COL25A1: variants seen among roughly 807,000 people sequenced by gnomAD.
COL25A1 encodes collagen alpha-1(XXV) chain.
A neutral mutation model predicts 128.4 loss-of-function variants in COL25A1; 103 were observed. That is an observed-to-expected ratio of 0.80 (90% CI 0.68 to 0.94). The LOEUF is 0.94. Among genes scored for constraint, COL25A1 ranks in the 40% least tolerant of loss-of-function variants. The pLI, the probability that COL25A1 is intolerant of heterozygous loss-of-function variation, is 0.00. For synonymous variants in COL25A1, 279 were observed against 277.2 expected, an observed-to-expected ratio of 1.01 and a Z score of -0.06; for missense variants, 745 against 840.0, an observed-to-expected ratio of 0.89 and a Z score of 1.40.
chr4:109,112,848 T>C (rs7679372), intron 3 of COL25A1, among the ~76,000 whole-genome samples: 81,841 of 151,906 alleles, frequency 0.54, 23,812 homozygotes, highest in Non-Finnish European at 0.68. Flanking sequence ...GAGGTAAAAC[T>C]TTGCCAAGAA....
chr4:109,104,209 T>TA (rs1254418602), intron 3 of COL25A1, among the ~76,000 whole-genome samples: 2 of 151,622 alleles, frequency 1.3e-5, no homozygotes, highest in Non-Finnish European at 2.9e-5. Context: ...CCTGTCTCAT[T>TA]AAAAAAATGA....
chr4:109,190,043 T>C (rs1486335292), intron 3 of COL25A1, among the ~76,000 whole-genome samples: 1 of 152,122 alleles, frequency 6.6e-6, no homozygotes, highest in Non-Finnish European at 1.5e-5. Flanking sequence ...GAGTAAAATA[T>C]ATGTTTAAGA....
chr4:109,032,548 C>T (rs1294986467), intron 5 of COL25A1, among the ~76,000 whole-genome samples: 1 of 152,158 alleles, frequency 6.6e-6, no homozygotes, highest in Non-Finnish European at 1.5e-5. Flanking sequence ...GTCCTCACTT[C>T]GCACTGCAAT....
chr4:109,169,530 T>C (rs1000156750), intron 3 of COL25A1, among the ~76,000 whole-genome samples: 4 of 152,206 alleles, frequency 2.6e-5, no homozygotes, highest in African/African-American at 9.6e-5. Context: ...ATGCTTTATA[T>C]AAGTGCTCAA....
intron 3 of COL25A1, among the ~76,000 whole-genome samples, chr4:109,221,547 A>G (rs1285560780): frequency 6.6e-6 from 1 of 152,232 alleles, no homozygotes; most frequent in Non-Finnish European, 1.5e-5. Context: ...TACATAAAAC[A>G]TGTATGCATA....
At chr4:108,819,393 G>A (rs1578442109) in intron 35 of COL25A1, 64 bp from the exon 36 acceptor site, 13 of 1,334,806 alleles carry the variant, frequency 9.7e-6, no homozygotes, top group East Asian at 2.3e-5. Flanking sequence ...CAAATTCTGC[G>A]AAAGAAGTAA....
chr4:108,851,992 CT>C (rs1735837740), intron 26 of COL25A1, among the ~76,000 whole-genome samples: 1 of 151,890 alleles, frequency 6.6e-6, no homozygotes, highest in East Asian at 1.9e-4. Context: ...TGTTTAATAT[CT>C]TTTTTCAATG....
chr4:109,214,816 T>C (rs1777859243), intron 3 of COL25A1, among the ~76,000 whole-genome samples: 1 of 152,112 alleles, frequency 6.6e-6, no homozygotes, highest in African/African-American at 2.4e-5. Flanking sequence ...GAGGAAGTGC[T>C]CTGTGAAAGC....
At chr4:108,943,666 G>A (rs1748398147) in intron 8 of COL25A1, among the ~76,000 whole-genome samples, 1 of 152,150 alleles carries the variant, frequency 6.6e-6, no homozygotes, top group Non-Finnish European at 1.5e-5. Flanking sequence ...TATCCAAGGA[G>A]AACAGGGAGA....
rs1004630112 is a variant in COL25A1, at chr4:108,833,005, C to G, written c.1657-572G>C. On this transcript the variant is annotated intron_variant, in intron 31 of 37. Coordinates refer to ENST00000399132, the MANE Select transcript of COL25A1 (RefSeq NM_198721.4). ...TAAATAAATAAATAAATAAATAAAG[C>G]ATCTTCACTTTGCCCCATAATCTTA... Among the ~76,000 whole-genome samples, 3 of 4,890 alleles carry G rather than the reference C, an allele frequency of 6.1e-4. No individual in the cohort carries two copies. In the South Asian group the frequency reaches 0.019, roughly 32 times the overall value. 3.2% of individuals were successfully genotyped at this position (4,890 alleles called of 152,430 possible).
intron 21 of COL25A1, 136 bp downstream of exon 21, chr4:108,863,183 C>G: frequency 2.5e-6 from 2 of 801,102 alleles, no homozygotes; most frequent in Non-Finnish European, 4.2e-6. Context: ...TGAAAAGAAC[C>G]AGTTGGTGTG....
intron 8 of COL25A1, among the ~76,000 whole-genome samples, chr4:108,951,561 T>A (rs1196124815): frequency 6.6e-6 from 1 of 151,956 alleles, no homozygotes; most frequent in East Asian, 1.9e-4. Context: ...AATTTTTGTA[T>A]TTTTAGTAGA....
Position 108,859,698 on chromosome 4 carries a change from A to T in COL25A1, c.1278T>A (p.Thr426=). The change falls in exon 24 of 38, where the codon ACT becomes ACA. Residue 426 remains threonine (T), a synonymous_variant. Transcript: ENST00000399132. The part of the protein sequence containing the change: ...PPGQKGDQGA[T]EIIDYNGNLH... ...GGTTGCCGTTGTAGTCTATGATCTC[A>T]GTGGCTCCTTGATCCCCTTTTTGAC... 1 of 1,613,886 alleles carries T rather than the reference A, an allele frequency of 6.2e-7. No homozygotes were observed. The highest frequency in any genetic ancestry group is 8.5e-7 in the Non-Finnish European group (1 of 1,179,906).
chr4:109,142,139 T>G (rs1301070969), intron 3 of COL25A1, among the ~76,000 whole-genome samples: 1 of 152,208 alleles, frequency 6.6e-6, no homozygotes, highest in African/African-American at 2.4e-5. Flanking sequence ...TTTGTTCTCA[T>G]TGGTTTCAAA....
intron 5 of COL25A1, among the ~76,000 whole-genome samples, chr4:109,044,476 T>C (rs550544275): frequency 1.3e-5 from 2 of 152,290 alleles, no homozygotes; most frequent in Admixed American, 1.3e-4. Context: ...TTAGTTTGTT[T>C]GTTTTACTGA....
intron 6 of COL25A1, among the ~76,000 whole-genome samples, chr4:108,981,112 A>G (rs1325815778): frequency 6.6e-6 from 1 of 152,212 alleles, no homozygotes; most frequent in Non-Finnish European, 1.5e-5. Context: ...AAACTGCAGA[A>G]AACCACATTG....
intron 10 of COL25A1, among the ~76,000 whole-genome samples, chr4:108,938,258 A>G (rs1747672187): frequency 6.6e-6 from 1 of 152,210 alleles, no homozygotes. Flanking sequence ...AAATTACACT[A>G]TATCATGACA....
intron 8 of COL25A1, among the ~76,000 whole-genome samples, chr4:108,967,928 C>T (rs542459336): frequency 6.6e-6 from 1 of 152,228 alleles, no homozygotes; most frequent in African/African-American, 2.4e-5. Flanking sequence ...TAAAGAGAAT[C>T]AATTATCTCT....
At chr4:109,071,188 A>C (rs1225918622) in intron 3 of COL25A1, among the ~76,000 whole-genome samples, 7 of 152,148 alleles carry the variant, frequency 4.6e-5, no homozygotes, top group East Asian at 3.9e-4. Context: ...CAAAAACAAG[A>C]AATGGGGAAA....
Sources: gnomAD v4.1 joint callset for allele counts (sites outside exome capture counted in the v4.1 genomes callset) on GRCh38, gnomAD v4.1.1 for gene constraint, MANE v1.5 for transcripts, NCBI Gene and HGNC (gene_info 2026-07-23, HGNC 2026-07-21) for gene names.